Variants in GPC5 observed in about 807,000 individuals in gnomAD.
GPC5 encodes the protein glypican-5.
GPC5 carries 47 observed loss-of-function variants against 53.9 expected under a neutral mutation model. The ratio of observed to expected loss-of-function variants is 0.87; its 90% confidence interval spans 0.69 to 1.11. The LOEUF (loss-of-function observed/expected upper bound fraction) is 1.11. Ranked by LOEUF, GPC5 falls within the 50% of genes most tolerant of loss-of-function variation. GPC5 has a pLI of 0.00. For missense variants in GPC5, 748 were observed against 713.1 expected, an observed-to-expected ratio of 1.05 and a Z score of -0.56; for synonymous variants, 286 against 263.3, an observed-to-expected ratio of 1.09 and a Z score of -0.84.
At chr13:91,447,207 A>C (rs74557576) in intron 1 of GPC5, among the ~76,000 whole-genome samples, 10,769 of 152,280 alleles carry the variant, frequency 0.071, 541 homozygotes, top group Non-Finnish European at 0.11. Flanking sequence ...TCTTTCCTAC[A>C]CTAAATATGT....
chr13:91,552,724 G>C (rs2138836572), intron 2 of GPC5, among the ~76,000 whole-genome samples: 1 of 152,194 alleles, frequency 6.6e-6, no homozygotes, highest in Non-Finnish European at 1.5e-5. Context: ...GGGCAGACCA[G>C]GTGTTCCTTG....
At chr13:91,783,105 T>C (rs2037823534) in intron 5 of GPC5, among the ~76,000 whole-genome samples, 1 of 151,926 alleles carries the variant, frequency 6.6e-6, no homozygotes, top group Non-Finnish European at 1.5e-5. Flanking sequence ...ATACCAAAAA[T>C]TAGCCAAATG....
chr13:91,961,481 A>G (rs2040125107), intron 6 of GPC5, among the ~76,000 whole-genome samples: 1 of 151,960 alleles, frequency 6.6e-6, no homozygotes, highest in Non-Finnish European at 1.5e-5. Context: ...CACTGGCATT[A>G]AGAGTGTAAA....
At chr13:91,601,851 A>T (rs190715924) in intron 2 of GPC5, among the ~76,000 whole-genome samples, 4 of 152,214 alleles carry the variant, frequency 2.6e-5, no homozygotes, top group African/African-American at 9.6e-5. Context: ...AATGTAATGC[A>T]CTTAAATCAT....
intron 7 of GPC5, among the ~76,000 whole-genome samples, chr13:92,733,338 T>A (rs1356738829): frequency 6.6e-6 from 1 of 151,728 alleles, no homozygotes; most frequent in Non-Finnish European, 1.5e-5. Context: ...CTACTTGTAT[T>A]TAAGGAGATT....
At chr13:92,414,199 A>G (rs1440170773) in intron 7 of GPC5, among the ~76,000 whole-genome samples, 1 of 152,148 alleles carries the variant, frequency 6.6e-6, no homozygotes, top group Non-Finnish European at 1.5e-5. Flanking sequence ...TCCTTATTTC[A>G]TAATTATGTA....
intron 7 of GPC5, among the ~76,000 whole-genome samples, chr13:92,663,655 T>TATATATATACTATATATATACA (rs1240937327): frequency 7.3e-6 from 1 of 136,086 alleles, no homozygotes; most frequent in African/African-American, 3.0e-5. Context: ...ATATATACTA[T>TATATATATACTATATATATACA]ATATATATAC....
At chr13:91,762,645 CT>C (rs1427591379) in intron 5 of GPC5, among the ~76,000 whole-genome samples, 2 of 147,536 alleles carry the variant, frequency 1.4e-5, no homozygotes, top group Non-Finnish European at 3.0e-5. Flanking sequence ...TATCCTTTGT[CT>C]ATACCTTCCT....
intron 6 of GPC5, among the ~76,000 whole-genome samples, chr13:91,961,702 C>T (rs577162798): frequency 8.0e-4 from 122 of 152,046 alleles, no homozygotes; most frequent in Middle Eastern, 6.8e-3. Flanking sequence ...GCATATGATA[C>T]GGCAATAAGT....
intron 6 of GPC5, among the ~76,000 whole-genome samples, chr13:92,080,644 T>G (rs2041287702): frequency 6.6e-6 from 1 of 152,226 alleles, no homozygotes; most frequent in Non-Finnish European, 1.5e-5. Flanking sequence ...TCATTAATCT[T>G]CTGGCTGCTA....
chr13:92,596,136 TGA>T (rs1464221460), intron 7 of GPC5, among the ~76,000 whole-genome samples: 1 of 152,112 alleles, frequency 6.6e-6, no homozygotes, highest in African/African-American at 2.4e-5. Context: ...TGTTGTTCAC[TGA>T]GAAAATTTAA....
intron 7 of GPC5, among the ~76,000 whole-genome samples, chr13:92,848,500 A>G (rs1467344965): frequency 6.6e-6 from 1 of 152,144 alleles, no homozygotes; most frequent in East Asian, 1.9e-4. Context: ...AGCTACTTAT[A>G]AGCCCTAGGA....
chr13:91,705,298 G>T (rs1715309274), intron 3 of GPC5, among the ~76,000 whole-genome samples: 1 of 152,176 alleles, frequency 6.6e-6, no homozygotes, highest in African/African-American at 2.4e-5. Context: ...CCTATCTTTT[G>T]AGACAGGTAG....
chr13:92,131,806 C>A (rs549778551), intron 6 of GPC5, among the ~76,000 whole-genome samples: 2 of 151,666 alleles, frequency 1.3e-5, no homozygotes, highest in Admixed American at 6.6e-5. Context: ...AAGGAGTATA[C>A]TTAAGATCTG....
chr13:91,906,928 T>C (rs1430682717), intron 5 of GPC5, among the ~76,000 whole-genome samples: 1 of 151,428 alleles, frequency 6.6e-6, no homozygotes, highest in Non-Finnish European at 1.5e-5. Flanking sequence ...AATTTGATTA[T>C]TTAAATTTGT....
intron 3 of GPC5, among the ~76,000 whole-genome samples, chr13:91,726,186 T>A (rs995751005): frequency 2.0e-5 from 3 of 152,212 alleles, no homozygotes; most frequent in African/African-American, 7.2e-5. Context: ...CTTATCCTTA[T>A]GCTTCTTTTA....
At chr13:92,163,512 A>C (rs1026940828) in intron 7 of GPC5, among the ~76,000 whole-genome samples, 14 of 152,020 alleles carry the variant, frequency 9.2e-5, no homozygotes, top group African/African-American at 2.9e-4. Flanking sequence ...CAACATGTAC[A>C]GTAAAAATTA....
intron 6 of GPC5, among the ~76,000 whole-genome samples, chr13:91,921,955 A>T (rs552335927): frequency 2.6e-5 from 4 of 152,216 alleles, no homozygotes; most frequent in Non-Finnish European, 5.9e-5. Context: ...TGGGGGACAG[A>T]TTAAGGACCC....
chr13:91,995,494 C>T (rs2040495508), intron 6 of GPC5: 1 of 152,084 alleles, frequency 6.6e-6, no homozygotes, highest in Admixed American at 6.6e-5. Flanking sequence ...GCAAGTTAAA[C>T]AAGATCTAAG....
Sources: gnomAD v4.1 joint callset for allele counts (sites outside exome capture counted in the v4.1 genomes callset) on GRCh38, gnomAD v4.1.1 for gene constraint, MANE v1.5 for transcripts, NCBI Gene and HGNC (gene_info 2026-07-23, HGNC 2026-07-21) for gene names.